The following PLEKHH1 variants were observed in gnomAD, a reference collection of about 807,000 sequenced individuals.
PLEKHH1 encodes pleckstrin homology domain-containing family H member 1.
In PLEKHH1, 104 loss-of-function variants were observed where a neutral mutation model predicts 160.0. The observed-to-expected ratio is 0.65, with a 90% CI of 0.55 to 0.76. The LOEUF (loss-of-function observed/expected upper bound fraction) is 0.76. PLEKHH1 is among the 30% of genes least tolerant of loss of function. PLEKHH1 has a pLI of 0.00. For missense variants in PLEKHH1, 1,427 were observed against 1,724.1 expected (o/e 0.83, Z 3.05); for synonymous variants, 619 against 678.4 (o/e 0.91, Z 1.36).
chr14:67,579,940 G>C, intron 22 of PLEKHH1, 64 bp downstream of exon 22: 2 of 1,447,180 alleles, frequency 1.4e-6, no homozygotes, highest in South Asian at 2.5e-5. Context: ...GGTGGGGAAA[G>C]AGCCCATCTG....
At position 67,582,305 on chromosome 14, in the gene PLEKHH1, G is replaced by T. The variant is rs1250789769; in HGVS notation, c.3426+95G>T. 4.7e-5 allele frequency: 74 copies of T among 1,589,234 alleles called. No homozygotes were observed. Among genetic ancestry groups the T allele is most frequent in the Non-Finnish European group, 6.2e-5 (72 of 1,168,614 alleles). ...ACACAGGAGAGATTCTGCAGATCCT[G>T]TGGTGCTCAGGAGAGGGCAGCTTTG... is the stretch of plus-strand genomic sequence containing the variant. On this transcript the variant is annotated intron_variant, in intron 24 of 28. Coordinates refer to ENST00000329153, the MANE Select transcript of PLEKHH1 (RefSeq NM_020715.3). The surrounding 1 kb of genome is among the most constrained non-coding windows in gnomAD (Gnocchi z 5.0).
intron 9 of PLEKHH1, chr14:67,571,543 T>C (rs2035374699): frequency 3.9e-6 from 2 of 507,020 alleles, no homozygotes; most frequent in African/African-American, 3.8e-5. Flanking sequence ...CCACAGAAGA[T>C]GGTGTGTGGG....
rs183791923 is a variant in PLEKHH1 at position 67,551,022 on chromosome 14, C to A, written c.127-4803C>A. On this transcript the variant is annotated intron_variant, in intron 2 of 28. Transcript: ENST00000329153. ...AGCTACATAAGTGTAGCCTAAATAT[C>A]CTACATGTATATACACACAGCCCTA... 1.2e-4 allele frequency among the ~76,000 whole-genome samples: 19 copies of A among 152,258 alleles called. No homozygotes were observed. The East Asian group carries it at 3.7e-3, about 29-fold the overall frequency.
chr14:67,555,931 C>A, intron 3 of PLEKHH1, 44 bp downstream of exon 3: 1 of 1,602,136 alleles, frequency 6.2e-7, no homozygotes, highest in Non-Finnish European at 8.5e-7. Flanking sequence ...GGGGAATGAC[C>A]GTCGGCCCTT....
rs890897033 is a variant in PLEKHH1 at position 67,576,760 on chromosome 14, G to T, written c.2461+257G>T. Among the ~76,000 whole-genome samples, 1 of 152,158 alleles carries T rather than the reference G, an allele frequency of 6.6e-6. No individual in the cohort carries two copies. The highest frequency in any genetic ancestry group is 2.4e-5 in the African/African-American group (1 of 41,432). Reference sequence around the variant, plus strand: ...TGGGTAAATGTTTTACTTGGATCAAGCTGCCCCGTTGCTGGCTGGGCAGAG... The same window carrying T: ...TGGGTAAATGTTTTACTTGGATCAATCTGCCCCGTTGCTGGCTGGGCAGAG... On this transcript the variant is annotated intron_variant, in intron 17 of 28. Transcript: ENST00000329153. This position sits in a 1 kb window ranked among gnomAD's most constrained non-coding sequence, Gnocchi z 4.0.
intron 2 of PLEKHH1, among the ~76,000 whole-genome samples, chr14:67,551,512 A>G (rs2034390055): frequency 6.6e-6 from 1 of 152,136 alleles, no homozygotes; most frequent in African/African-American, 2.4e-5. Flanking sequence ...GAGGTTAAGG[A>G]ATTTGTCTAA....
chr14:67,538,152 A>T (rs1156933099), intron 1 of PLEKHH1, among the ~76,000 whole-genome samples: 1 of 152,158 alleles, frequency 6.6e-6, no homozygotes, highest in African/African-American at 2.4e-5. Context: ...TTTCCAGCTC[A>T]CTTCCCCTCT....
At position 67,564,910 on chromosome 14, in the gene PLEKHH1, C is replaced by T. The variant is rs544505757; in HGVS notation, c.1263+2016C>T. ...ACTATGCTGTTGCCCTGGCTGGTCT[C>T]GAACTCCCAGGCTCAGGTGGTCCTC... On this transcript the variant is annotated intron_variant, in intron 7 of 28. Coordinates refer to ENST00000329153, the MANE Select transcript of PLEKHH1 (RefSeq NM_020715.3). Among the ~76,000 whole-genome samples the T allele has an allele frequency of 1.2e-3, 180 of 152,192 alleles. No homozygotes were observed. In the Middle Eastern group the frequency reaches 0.02, roughly 17 times the overall value.
chr14:67,539,426 A>G (rs2033876954), intron 1 of PLEKHH1, among the ~76,000 whole-genome samples: 1 of 152,140 alleles, frequency 6.6e-6, no homozygotes, highest in Non-Finnish European at 1.5e-5. Flanking sequence ...CCAAGAAGCG[A>G]GCTTACTCGG....
intron 1 of PLEKHH1, among the ~76,000 whole-genome samples, chr14:67,538,247 G>C (rs1171968706): frequency 6.6e-6 from 1 of 152,164 alleles, no homozygotes; most frequent in Middle Eastern, 3.2e-3. Flanking sequence ...CACTACTGAA[G>C]CATCATCATG....
chr14:67,577,496 C>A, intron 18 of PLEKHH1, 82 bp downstream of exon 18: 2 of 872,408 alleles, frequency 2.3e-6, no homozygotes, highest in Non-Finnish European at 3.7e-6. Flanking sequence ...TGGGGACAAC[C>A]CACAGAGGGA....
At chr14:67,534,900 G>T (rs1259434531) in intron 1 of PLEKHH1, among the ~76,000 whole-genome samples, 1 of 152,122 alleles carries the variant, frequency 6.6e-6, no homozygotes, top group Non-Finnish European at 1.5e-5. Context: ...TATATGAAAT[G>T]GTGTACATCA....
intron 22 of PLEKHH1, 41 bp downstream of exon 22, chr14:67,579,917 C>G: frequency 6.5e-7 from 1 of 1,548,550 alleles, no homozygotes; most frequent in Non-Finnish European, 8.7e-7. Flanking sequence ...CCTCCCTGCT[C>G]AGGGATATTG....
At chr14:67,585,736 T>C (rs1011882803) in intron 27 of PLEKHH1, 82 bp downstream of exon 27, 2 of 1,161,212 alleles carry the variant, frequency 1.7e-6, no homozygotes, top group African/African-American at 1.5e-5. Context: ...CTCAAAAGCC[T>C]GAACCAAGTG....
At position 67,573,366 on chromosome 14, in the gene PLEKHH1, AT is replaced by A; in HGVS notation, c.1821del (p.Met608CysfsTer19). 1.2e-6 allele frequency: 2 copies of A among 1,608,496 alleles called. No individual in the cohort carries two copies. The highest frequency in any genetic ancestry group is 1.7e-6 in the Non-Finnish European group (2 of 1,174,930). ...CTGGTTTGTCCTGAGACAGGGACAGATTATGTACTACAAGTCCCCGGTGAGA... is the reference window on the plus strand; with the variant it reads ...CTGGTTTGTCCTGAGACAGGGACAGATATGTACTACAAGTCCCCGGTGAGA... ...RRWFVLRQGQ[I>X]MYYKSPSDVI... On this transcript the variant is annotated frameshift_variant, in exon 12 of 29. Transcript: ENST00000329153. LOFTEE classifies it high-confidence loss of function. The surrounding 1 kb of genome is among the most constrained non-coding windows in gnomAD (Gnocchi z 4.8).
At chr14:67,556,620 G>T (rs899252059) in intron 3 of PLEKHH1, among the ~76,000 whole-genome samples, 1 of 152,176 alleles carries the variant, frequency 6.6e-6, no homozygotes, top group African/African-American at 2.4e-5. Flanking sequence ...GGGTGTGACG[G>T]TATGCACCTA....
At chr14:67,538,894 G>T (rs1455653584) in intron 1 of PLEKHH1, among the ~76,000 whole-genome samples, 1 of 152,178 alleles carries the variant, frequency 6.6e-6, no homozygotes, top group Non-Finnish European at 1.5e-5. Flanking sequence ...GGGCTAGGCA[G>T]ACACCAGTGA....
At chr14:67,546,107 T>A (rs1484300742) in intron 2 of PLEKHH1, among the ~76,000 whole-genome samples, 3 of 152,214 alleles carry the variant, frequency 2.0e-5, no homozygotes, top group Non-Finnish European at 4.4e-5. Context: ...TTGAAGCCAC[T>A]TATTGCCATA....
intron 3 of PLEKHH1, 44 bp from the exon 4 acceptor site, chr14:67,557,225 G>A (rs780268183): frequency 1.9e-6 from 3 of 1,581,922 alleles, no homozygotes; most frequent in Non-Finnish European, 1.7e-6. Context: ...TGCACACCCC[G>A]TGTGAGTGAT....
Sources: gnomAD v4.1 joint callset for allele counts (sites outside exome capture counted in the v4.1 genomes callset) on GRCh38, gnomAD v4.1.1 for gene constraint, Gnocchi (gnomAD v3.1) non-coding constraint, MANE v1.5 for transcripts, NCBI Gene and HGNC (gene_info 2026-07-23, HGNC 2026-07-21) for gene names.